ADGRG4: variants seen among roughly 807,000 people sequenced by gnomAD.
ADGRG4 encodes the protein adhesion G protein-coupled receptor G4.
Under a neutral mutation model 126.2 loss-of-function variants are expected in ADGRG4, and 122 were observed. The observed-to-expected ratio is 0.97, with a 90% CI of 0.83 to 1.12. ADGRG4 has a LOEUF of 1.12. Among genes scored for constraint, ADGRG4 ranks in the 50% most tolerant of loss-of-function variants. The pLI, the probability that ADGRG4 is intolerant of heterozygous loss-of-function variation, is 0.00. For missense variants in ADGRG4, 2,481 were observed against 2,251.8 expected (o/e 1.10, Z -2.06); for synonymous variants, 943 against 838.7 (o/e 1.12, Z -2.15).
intron 4 of ADGRG4, among the ~76,000 whole-genome samples, chrX:136,309,718 G>A (rs1249408759): frequency 9.0e-6 from 1 of 111,707 alleles, no homozygotes; most frequent in African/African-American, 3.3e-5. Context: ...AATAGAGATT[G>A]AAATGGGGCC....
Position 136,404,832 on chromosome X carries a change from AACAC to A in ADGRG4, c.8655-848_8655-845del, listed in dbSNP as rs750812806. On this transcript the variant is annotated intron_variant, in intron 22 of 25. Coordinates refer to ENST00000394143, the MANE Select transcript of ADGRG4 (RefSeq NM_153834.4). ...TTAAATGTTTTTTTAACATGTTTGC[AACAC>A]ACACACACACAAACTCACACATATG... Among the ~76,000 whole-genome samples the A allele has an allele frequency of 3.6e-5, 4 of 111,233 alleles. No homozygotes were observed. In the East Asian group the frequency reaches 1.1e-3, roughly 31 times the overall value.
chrX:136,381,885 G>C (rs2075265965), intron 15 of ADGRG4, among the ~76,000 whole-genome samples: 1 of 111,136 alleles, frequency 9.0e-6, no homozygotes, highest in Non-Finnish European at 1.9e-5. Flanking sequence ...TGCAGGCTGG[G>C]AGGCTAAGCC....
Position 136,356,157 on chromosome X carries a change from C to A in ADGRG4, c.6919C>A (p.Arg2307=), listed in dbSNP as rs376547734. ...TTCAGAGGAAGAGATGGTCATGGAT[C>A]GAGCTATTGTAAGTAATTTTTCAAA... ...DISEEEMVMD[R]AILEQREGQE... is the part of the protein sequence containing the mutation. Residue 2307 remains arginine, a synonymous_variant, in exon 9 of 26, where the codon CGA becomes AGA. Coordinates refer to ENST00000394143, the MANE Select transcript of ADGRG4 (RefSeq NM_153834.4). 4 of 1,177,186 alleles carry A rather than the reference C, an allele frequency of 3.4e-6. No homozygotes were observed. Among genetic ancestry groups the A allele is most frequent in the East Asian group, 3.0e-5 (1 of 33,563 alleles).
chrX:136,304,655 G>A (rs763790819), intron 2 of ADGRG4, among the ~76,000 whole-genome samples, 200 bp from the exon 3 acceptor site: 1 of 112,310 alleles, frequency 8.9e-6, no homozygotes, highest in African/African-American at 3.2e-5. Context: ...GGGGAGAAAG[G>A]CATAGTTTAT....
At chrX:136,328,999 C>G (rs1257533567) in intron 5 of ADGRG4, among the ~76,000 whole-genome samples, 1 of 111,055 alleles carries the variant, frequency 9.0e-6, no homozygotes, top group African/African-American at 3.3e-5. Context: ...TTGCAGCATT[C>G]GTTTTTCATG....
At chrX:136,380,568 CTCTTCTTCT>C (rs1330917485) in intron 15 of ADGRG4, among the ~76,000 whole-genome samples, 1 of 81,217 alleles carries the variant, frequency 1.2e-5, no homozygotes, top group Non-Finnish European at 2.5e-5. Context: ...CTTCTTCTTC[CTCTTCTTCT>C]TCCTCCTCCT....
intron 13 of ADGRG4, among the ~76,000 whole-genome samples, chrX:136,368,978 G>C (rs1371218470): frequency 8.9e-6 from 1 of 112,163 alleles, no homozygotes; most frequent in African/African-American, 3.2e-5. Flanking sequence ...ACCACTGGGG[G>C]AGTCCATGTG....
chrX:136,407,328 G>A lies in ADGRG4; in HGVS notation c.8935+1356G>A, dbSNP rs2075419022. Among the ~76,000 whole-genome samples, 4 of 68,787 alleles carry A rather than the reference G, an allele frequency of 5.8e-5. No individual in the cohort carries two copies. The South Asian group carries it at 4.1e-3, about 70-fold the overall frequency. The allele number at this position is 68,787 out of a possible 115,157, so 59.7% of individuals were successfully genotyped here. On this transcript the variant is annotated intron_variant, in intron 23 of 25. Coordinates refer to ENST00000394143, the MANE Select transcript of ADGRG4 (RefSeq NM_153834.4). The stretch of plus-strand genomic sequence containing the variant: ...CACTGTATACATTAGCATGGTAAAA[G>A]CTCTATTATGAAAAAAAAAAAACCT...
intron 16 of ADGRG4, among the ~76,000 whole-genome samples, chrX:136,389,453 T>C (rs1390735170): frequency 8.9e-6 from 1 of 111,942 alleles, no homozygotes; most frequent in African/African-American, 3.3e-5. Flanking sequence ...TTTTATTCAC[T>C]AACACTTTCT....
chrX:136,355,465 CTG>C (rs2075087803), intron 8 of ADGRG4, among the ~76,000 whole-genome samples: 1 of 111,457 alleles, frequency 9.0e-6, no homozygotes, highest in African/African-American at 3.3e-5. Flanking sequence ...TTTTTAAAAA[CTG>C]TGTCTATTAT....
intron 13 of ADGRG4, 63 bp from the exon 14 acceptor site, chrX:136,371,265 A>G: frequency 1.3e-6 from 1 of 754,516 alleles, no homozygotes; most frequent in South Asian, 3.0e-5. Flanking sequence ...AAGGGAAAGA[A>G]GCACACCAGA....
intron 23 of ADGRG4, among the ~76,000 whole-genome samples, chrX:136,407,497 G>A (rs994807068): frequency 9.0e-6 from 1 of 111,415 alleles, no homozygotes; most frequent in African/African-American, 3.3e-5. Flanking sequence ...CGGAGTTGAG[G>A]GGGTGGGAAG....
intron 5 of ADGRG4, among the ~76,000 whole-genome samples, chrX:136,339,950 C>T (rs184466890): frequency 1.9e-3 from 210 of 111,532 alleles, no homozygotes; most frequent in Non-Finnish European, 3.3e-3. Context: ...TACTCACTTA[C>T]AACATTTTCT....
intron 4 of ADGRG4, among the ~76,000 whole-genome samples, chrX:136,311,624 G>T (rs955149616): frequency 6.3e-5 from 7 of 110,657 alleles, no homozygotes; most frequent in Non-Finnish European, 1.3e-4. Context: ...ATCTGGGCCG[G>T]AATCAACTTT....
chrX:136,301,891 C>T (rs940184926), intron 1 of ADGRG4, among the ~76,000 whole-genome samples: 9 of 111,655 alleles, frequency 8.1e-5, no homozygotes, highest in African/African-American at 2.9e-4. Context: ...CAGATAGTTG[C>T]AGATATGTGG....
intron 5 of ADGRG4, among the ~76,000 whole-genome samples, chrX:136,332,348 T>C (rs1173502793): frequency 2.8e-5 from 3 of 105,737 alleles, no homozygotes; most frequent in Non-Finnish European, 5.9e-5. Flanking sequence ...TCATTTTTTA[T>C]GGCTGCATAG....
At chrX:136,342,843 A>G (rs1385189520) in intron 5 of ADGRG4, among the ~76,000 whole-genome samples, 4 of 108,119 alleles carry the variant, frequency 3.7e-5, no homozygotes, top group African/African-American at 1.4e-4. Flanking sequence ...TTTTCTTTTT[A>G]TCCTATGAGC....
Position 136,346,957 on chromosome X carries a change from T to TG in ADGRG4, c.3252dup (p.Ile1085AspfsTer39), listed in dbSNP as rs1239880757. The stretch of plus-strand genomic sequence containing the variant: ...GTTATTGTGCCTACCCATGGAGACT[T>TG]GATTCGTACCACTTCAGAGGCCACG... On this transcript the variant is annotated frameshift_variant, in exon 6 of 26. Coordinates refer to ENST00000394143, the MANE Select transcript of ADGRG4 (RefSeq NM_153834.4). LOFTEE classifies it high-confidence loss of function. 1 of 1,209,207 alleles carries TG rather than the reference T, an allele frequency of 8.3e-7. No homozygotes were observed. Among genetic ancestry groups the TG allele is most frequent in the African/African-American group, 1.8e-5 (1 of 57,107 alleles).
intron 15 of ADGRG4, among the ~76,000 whole-genome samples, chrX:136,373,566 A>G (rs922619596): frequency 4.5e-5 from 5 of 111,931 alleles, no homozygotes; most frequent in African/African-American, 1.3e-4. Flanking sequence ...TTTTTTTACA[A>G]TTAAAAAGTA....
Sources: allele counts gnomAD v4.1 joint callset (sites outside exome capture counted in the v4.1 genomes callset), GRCh38; gene constraint gnomAD v4.1.1; transcripts MANE v1.5; gene names NCBI Gene and HGNC (gene_info 2026-07-23, HGNC 2026-07-21).